FBXO30: variants seen among roughly 807,000 people sequenced by gnomAD.
FBXO30 encodes F-box only protein 30.
Under a neutral mutation model 58.1 loss-of-function variants are expected in FBXO30, and 21 were observed. That is an observed-to-expected ratio of 0.36 (90% CI 0.26 to 0.52). The LOEUF is 0.52. Ranked by LOEUF, FBXO30 falls within the 20% of genes least tolerant of loss-of-function variation. FBXO30 has a pLI of 0.93. For missense variants in FBXO30, 744 were observed against 897.3 expected (o/e 0.83, Z 2.18); for synonymous variants, 309 against 312.4 (o/e 0.99, Z 0.11).
rs1160017855 is a variant in FBXO30, at chr6:145,814,716, C to G, written c.-130G>C. 6.5e-6 allele frequency: 1 copy of G among 153,594 alleles called. No homozygotes were observed. Among genetic ancestry groups the G allele is most frequent in the Non-Finnish European group, 1.4e-5 (1 of 69,338 alleles). 9.5% of individuals were successfully genotyped at this position (153,594 alleles called of 1,614,324 possible). A position where few individuals can be genotyped will look rare whatever the true frequency, so the allele number is the denominator to read the frequency against. ...CCCCACACAGCCGTCCGAACCGCCTCCTCCGCCCCTCTTCCCCAGCCGGGC... is the reference window on the plus strand; with the variant it reads ...CCCCACACAGCCGTCCGAACCGCCTGCTCCGCCCCTCTTCCCCAGCCGGGC... On this transcript the variant is annotated 5_prime_UTR_variant, in exon 1 of 3. Coordinates refer to ENST00000237281, the MANE Select transcript of FBXO30 (RefSeq NM_032145.5).
Position 145,796,203 on chromosome 6 carries a change from C to G in FBXO30, c.*3903G>C, listed in dbSNP as rs1777863957. 6.6e-6 allele frequency: 1 copy of G among 151,920 alleles called. No homozygotes were observed. Among genetic ancestry groups the G allele is most frequent in the Non-Finnish European group, 1.5e-5 (1 of 67,860 alleles). 9.4% of individuals were successfully genotyped at this position (151,920 alleles called of 1,614,324 possible). On this transcript the variant is annotated 3_prime_UTR_variant, in exon 3 of 3. Transcript: ENST00000237281. ...TTTTATCTCTTGATCTCACTTTAAT[C>G]TTTTAAATAAAGGGAAATAATTATG...
chr6:145,811,128 T>G (rs1304927326), intron 1 of FBXO30, among the ~76,000 whole-genome samples: 1 of 152,210 alleles, frequency 6.6e-6, no homozygotes, highest in Non-Finnish European at 1.5e-5. Context: ...CTCAGTCTCA[T>G]TCATTCTTAT....
At chr6:145,813,618 C>T (rs6940256) in intron 1 of FBXO30, among the ~76,000 whole-genome samples, 2 of 152,098 alleles carry the variant, frequency 1.3e-5, no homozygotes, top group Non-Finnish European at 2.9e-5. Flanking sequence ...TTCCATAGGT[C>T]TCTAAAGAAC....
chr6:145,808,116 A>G (rs1778231044), intron 1 of FBXO30, among the ~76,000 whole-genome samples: 1 of 152,156 alleles, frequency 6.6e-6, no homozygotes, highest in African/African-American at 2.4e-5. Context: ...CCTGGGTGAC[A>G]GAGTGAGGCT....
chr6:145,802,090 G>A (rs1473185999), intron 2 of FBXO30, among the ~76,000 whole-genome samples: 3 of 152,084 alleles, frequency 2.0e-5, no homozygotes, highest in Non-Finnish European at 4.4e-5. Context: ...CACTTCTCAA[G>A]GAATTTACAG....
rs1380414880 is a variant in FBXO30 at position 145,796,577 on chromosome 6, C to T, written c.*3529G>A. ...TTCTCTCTACTGCACTTCTAAACAA[C>T]CAACTCTGCAAGCTCCAATCACATC... On this transcript the variant is annotated 3_prime_UTR_variant, in exon 3 of 3. Transcript: ENST00000237281. 6.6e-6 allele frequency: 1 copy of T among 152,000 alleles called. No individual in the cohort carries two copies. The highest frequency in any genetic ancestry group is 1.5e-5 in the Non-Finnish European group (1 of 67,902). 9.4% of individuals were successfully genotyped at this position (152,000 alleles called of 1,614,324 possible). A position where few individuals can be genotyped will look rare whatever the true frequency, so the allele number is the denominator to read the frequency against.
chr6:145,802,556 A>G (rs896924891), intron 2 of FBXO30, among the ~76,000 whole-genome samples: 2 of 152,176 alleles, frequency 1.3e-5, no homozygotes, highest in African/African-American at 2.4e-5. Flanking sequence ...AAAGATAAAG[A>G]TGAGATTATG....
Position 145,794,249 on chromosome 6 carries a change from T to C in FBXO30, c.*5857A>G, listed in dbSNP as rs1271724188. 6.6e-6 allele frequency: 1 copy of C among 151,976 alleles called. No individual in the cohort carries two copies. The highest frequency in any genetic ancestry group is 1.9e-4 in the East Asian group (1 of 5,196). The allele number at this position is 151,976 out of a possible 1,614,324, so 9.4% of individuals were successfully genotyped here. A position where few individuals can be genotyped will look rare whatever the true frequency, so the allele number is the denominator to read the frequency against. The stretch of plus-strand genomic sequence containing the variant: ...TCTAGCTTCATTCACTTAGGTTTTT[T>C]ATCCTCCAAAGAATATCACATCTTT... On this transcript the variant is annotated 3_prime_UTR_variant, in exon 3 of 3. Coordinates refer to ENST00000237281, the MANE Select transcript of FBXO30 (RefSeq NM_032145.5).
At position 145,798,384 on chromosome 6, in the gene FBXO30, A is replaced by G. The variant is rs1412368518; in HGVS notation, c.*1722T>C. On this transcript the variant is annotated 3_prime_UTR_variant, in exon 3 of 3. Coordinates refer to ENST00000237281, the MANE Select transcript of FBXO30 (RefSeq NM_032145.5). ...AAATAAGAAGTCTAAATTTAAAAAC[A>G]ATGAATTTTAAAAAGCATAACTATA... The G allele has an allele frequency of 6.6e-6, 1 of 152,366 alleles. No homozygotes were observed. Among genetic ancestry groups the G allele is most frequent in the African/African-American group, 2.4e-5 (1 of 41,438 alleles). 9.4% of individuals were successfully genotyped at this position (152,366 alleles called of 1,614,324 possible). A position where few individuals can be genotyped will look rare whatever the true frequency, so the allele number is the denominator to read the frequency against.
rs200717170 is a variant in FBXO30 at position 145,806,391 on chromosome 6, C to T, written c.15G>A (p.Leu5=). ...CACAATTCACACAATGGGAATGCTG[C>T]AGCTCCTCCTCCATAATGGCCAGTC... The part of the protein sequence containing the change: MEEE[L]QHSHCVNCVS... Residue 5 remains leucine (L), a synonymous_variant, in exon 2 of 3, where the codon CTG becomes CTA. Coordinates refer to ENST00000237281, the MANE Select transcript of FBXO30 (RefSeq NM_032145.5). 1.7e-5 allele frequency: 27 copies of T among 1,613,312 alleles called. No homozygotes were observed. Among genetic ancestry groups the T allele is most frequent in the Non-Finnish European group, 2.2e-5 (26 of 1,179,898 alleles).
intron 2 of FBXO30, among the ~76,000 whole-genome samples, chr6:145,800,552 C>T (rs377589494): frequency 6.6e-5 from 10 of 151,966 alleles, no homozygotes; most frequent in African/African-American, 2.2e-4. Context: ...AGACAAAACT[C>T]AGTATTAAAA....
chr6:145,813,942 T>G (rs1778419134), intron 1 of FBXO30, among the ~76,000 whole-genome samples: 1 of 152,194 alleles, frequency 6.6e-6, no homozygotes, highest in Non-Finnish European at 1.5e-5. Flanking sequence ...AAAAACATAC[T>G]GGCAGATTAC....
At chr6:145,813,918 C>A (rs1778418641) in intron 1 of FBXO30, among the ~76,000 whole-genome samples, 1 of 152,090 alleles carries the variant, frequency 6.6e-6, no homozygotes, top group African/African-American at 2.4e-5. Context: ...TCTATACTCC[C>A]AAATATACCC....
rs1415338741 is a variant in FBXO30, at chr6:145,814,584, C to A, written c.-17+19G>T. 2 of 151,838 alleles carry A rather than the reference C, an allele frequency of 1.3e-5. No homozygotes were observed. Among genetic ancestry groups the A allele is most frequent in the African/African-American group, 2.4e-5 (1 of 41,398 alleles). The allele number at this position is 151,838 out of a possible 1,614,324, so 9.4% of individuals were successfully genotyped here. ...GCGCGGACGGCGCCGGCCTCCCCTG[C>A]GGGCCTCCCGTCACTCACCGGCCGG... On this transcript the variant is annotated intron_variant, in intron 1 of 2. Coordinates refer to ENST00000237281, the MANE Select transcript of FBXO30 (RefSeq NM_032145.5).
intron 2 of FBXO30, among the ~76,000 whole-genome samples, chr6:145,802,513 C>T (rs1040845985): frequency 5.3e-5 from 8 of 151,874 alleles, no homozygotes; most frequent in Admixed American, 1.3e-4. Context: ...TAAATCAATG[C>T]GGTTACAGTA....
intron 1 of FBXO30, among the ~76,000 whole-genome samples, chr6:145,810,644 G>C (rs561320944): frequency 6.6e-6 from 1 of 152,200 alleles, no homozygotes; most frequent in South Asian, 2.1e-4. Flanking sequence ...CATTAAAATA[G>C]TTCTAAGACA....
rs1264997759 is a variant in FBXO30 at position 145,798,009 on chromosome 6, T to C, written c.*2097A>G. 1 of 152,032 alleles carries C rather than the reference T, an allele frequency of 6.6e-6. No homozygotes were observed. Among genetic ancestry groups the C allele is most frequent in the Non-Finnish European group, 1.5e-5 (1 of 67,942 alleles). The allele number at this position is 152,032 out of a possible 1,614,324, so 9.4% of individuals were successfully genotyped here. A position where few individuals can be genotyped will look rare whatever the true frequency, so the allele number is the denominator to read the frequency against. ...TGAAGGATCAGAGAAAGCTAACTAA[T>C]GCGTGTCTCAAATTTTAAAAAAATT... On this transcript the variant is annotated 3_prime_UTR_variant, in exon 3 of 3. Transcript: ENST00000237281.
rs1056637613 is a variant in FBXO30, at chr6:145,798,645, C to T, written c.*1461G>A. ...AAACAATTGATTAGTCTTTAATGCT[C>T]TGTTTTTCAACTGTACTAAGGACTT... is the stretch of plus-strand genomic sequence containing the variant. On this transcript the variant is annotated 3_prime_UTR_variant, in exon 3 of 3. Coordinates refer to ENST00000237281, the MANE Select transcript of FBXO30 (RefSeq NM_032145.5). 10 of 152,422 alleles carry T rather than the reference C, an allele frequency of 6.6e-5. No individual in the cohort carries two copies. Among genetic ancestry groups the T allele is most frequent in the Admixed American group, 3.3e-4 (5 of 15,244 alleles). The allele number at this position is 152,422 out of a possible 1,614,324, so 9.4% of individuals were successfully genotyped here.
chr6:145,805,327 T>A lies in FBXO30; in HGVS notation c.1079A>T (p.Glu360Val), dbSNP rs1357584453. 1 of 1,614,090 alleles carries A rather than the reference T, an allele frequency of 6.2e-7. No individual in the cohort carries two copies. Among genetic ancestry groups the A allele is most frequent in the South Asian group, 1.1e-5 (1 of 91,086 alleles). ...TVQHILMPDD[E>V]GEGELCWKKV... ...TTTCCAACACAATTCACCTTCACCT[T>A]CATCATCTGGCATGAGGATATGCTG... Residue 360 changes from glutamate (E) to valine (V), a missense_variant, in exon 2 of 3, where the codon GAA (glutamate) becomes GTA (valine). By Grantham distance (121) the Glu-to-Val change is moderately radical (BLOSUM62 -2). Around this residue, in one of 3 missense-constraint regions of FBXO30, gnomAD observed 275 missense variants for 262.0 expected, o/e 1.05. Transcript: ENST00000237281.
Sources: allele counts gnomAD v4.1 joint callset (sites outside exome capture counted in the v4.1 genomes callset), GRCh38; gene constraint gnomAD v4.1.1; regional missense constraint gnomAD v4.1.1; transcripts MANE v1.5; gene names NCBI Gene and HGNC (gene_info 2026-07-23, HGNC 2026-07-21).